DPYSL2: variants seen among roughly 807,000 people sequenced by gnomAD.
The protein encoded by DPYSL2 is dihydropyrimidinase like 2.
Under a neutral mutation model 69.9 loss-of-function variants are expected in DPYSL2, and 13 were observed. The ratio of observed to expected loss-of-function variants is 0.19; its 90% CI spans 0.12 to 0.30. The LOEUF (loss-of-function observed/expected upper bound fraction) is 0.30, where lower values mean the gene tolerates loss of function less well. DPYSL2 is among the 10% of genes least tolerant of loss of function. The pLI, the probability that DPYSL2 is intolerant of heterozygous loss-of-function variation, is 1.00. For synonymous variants in DPYSL2, 326 were observed against 359.1 expected, an observed-to-expected ratio of 0.91 and a Z score of 1.04; for missense variants, 587 against 918.9, an observed-to-expected ratio of 0.64 and a Z score of 4.67.
rs1800538169 is a variant in DPYSL2, at chr8:26,533,102, C to T, written c.354+18423C>T. On this transcript the variant is annotated intron_variant, in intron 1 of 13. Coordinates refer to ENST00000521913, the MANE Select transcript of DPYSL2 (RefSeq NM_001197293.3). The surrounding 1 kb of genome is among the most constrained non-coding windows in gnomAD (Gnocchi z 4.8). ...GGGTATGAGTCAGTATCTCTTGTGG[C>T]TTTGGTTTGTATTTCCCTGATGACT... is the stretch of plus-strand genomic sequence containing the variant. 6.6e-6 allele frequency among the ~76,000 whole-genome samples: 1 copy of T among 152,148 alleles called. No homozygotes were observed. The highest frequency in any genetic ancestry group is 2.4e-5 in the African/African-American group (1 of 41,436).
At chr8:26,612,584 G>A (rs774086852) in intron 3 of DPYSL2, among the ~76,000 whole-genome samples, 1 of 152,186 alleles carries the variant, frequency 6.6e-6, no homozygotes, top group Non-Finnish European at 1.5e-5. Flanking sequence ...AGGTGTGGTG[G>A]CTCACGCCTG....
chr8:26,583,429 C>T (rs972997572), intron 2 of DPYSL2, among the ~76,000 whole-genome samples: 4 of 151,280 alleles, frequency 2.6e-5, no homozygotes, highest in Admixed American at 1.3e-4. Context: ...TTGGAAAGTA[C>T]GGCCAGGTCT....
intron 7 of DPYSL2, among the ~76,000 whole-genome samples, chr8:26,633,263 C>T (rs1247854859): frequency 6.6e-6 from 1 of 152,228 alleles, no homozygotes; most frequent in Non-Finnish European, 1.5e-5. Context: ...TCCCTCCCCT[C>T]CAAGAGTTCA....
At position 26,591,622 on chromosome 8, in the gene DPYSL2, C is replaced by A. The variant is rs1204655954; in HGVS notation, c.628+7639C>A. On this transcript the variant is annotated intron_variant, in intron 3 of 13. Coordinates refer to ENST00000521913, the MANE Select transcript of DPYSL2 (RefSeq NM_001197293.3). The surrounding 1 kb of genome is among the most constrained non-coding windows in gnomAD (Gnocchi z 5.8). Reference sequence around the variant, plus strand: ...TTTAGCATTGTTGTCCCGGGGCAACCCTTTCTCATGTGAAACCTTGCGTGG... The same window carrying A: ...TTTAGCATTGTTGTCCCGGGGCAACACTTTCTCATGTGAAACCTTGCGTGG... 6.6e-6 allele frequency among the ~76,000 whole-genome samples: 1 copy of A among 152,150 alleles called. No homozygotes were observed. Among genetic ancestry groups the A allele is most frequent in the African/African-American group, 2.4e-5 (1 of 41,438 alleles).
rs1156370215 is a variant in DPYSL2 at position 26,605,617 on chromosome 8, C to A, written c.629-18526C>A. ...GGAATTAAATGAAGAAATATTTGAT[C>A]TAAGAAGAAAGTTTATGAAGATGAC... On this transcript the variant is annotated intron_variant, in intron 3 of 13. Coordinates refer to ENST00000521913, the MANE Select transcript of DPYSL2 (RefSeq NM_001197293.3). The surrounding 1 kb of genome is among the most constrained non-coding windows in gnomAD (Gnocchi z 4.1). 6.6e-6 allele frequency among the ~76,000 whole-genome samples: 1 copy of A among 151,988 alleles called. No homozygotes were observed. The highest frequency in any genetic ancestry group is 1.5e-5 in the Non-Finnish European group (1 of 68,004).
At chr8:26,623,815 G>C (rs570467493) in intron 3 of DPYSL2, 1 of 231,114 alleles carries the variant, frequency 4.3e-6, no homozygotes, top group Admixed American at 5.3e-5. Context: ...GCTGCTCCCC[G>C]GCCATTTGAC....
intron 1 of DPYSL2, among the ~76,000 whole-genome samples, chr8:26,553,306 C>A (rs1376849554): frequency 6.6e-6 from 1 of 152,032 alleles, no homozygotes; most frequent in Non-Finnish European, 1.5e-5. Context: ...GTTTGTTGTA[C>A]AGATTATTTC....
intron 1 of DPYSL2, among the ~76,000 whole-genome samples, chr8:26,545,241 G>A (rs1800747094): frequency 6.6e-6 from 1 of 152,128 alleles, no homozygotes; most frequent in Non-Finnish European, 1.5e-5. Flanking sequence ...AACATTCTCT[G>A]GGATAGATCA....
In DPYSL2 at chr8:26,627,254, A is replaced by G. The variant is rs1802640441; in HGVS notation, c.895A>G (p.Ile299Val). 6.2e-7 allele frequency: 1 copy of G among 1,614,232 alleles called. No individual in the cohort carries two copies. The highest frequency in any genetic ancestry group is 8.5e-7 in the Non-Finnish European group (1 of 1,180,040). The change falls in exon 6 of 14, where the codon ATA becomes GTA. Residue 299 changes from isoleucine (I) to valine (V), a missense_variant. Coordinates refer to ENST00000521913, the MANE Select transcript of DPYSL2 (RefSeq NM_001197293.3). This position sits in a 1 kb window ranked among gnomAD's most constrained non-coding sequence, Gnocchi z 6.9. ...GAGTGTGATCCGGGATATTGGCGCC[A>G]TAGCCCAAGTCCACGCAGAAAATGG... is the stretch of plus-strand genomic sequence containing the variant. ...VLSVIRDIGA[I>V]AQVHAENGDI...
intron 7 of DPYSL2, among the ~76,000 whole-genome samples, chr8:26,631,483 G>C (rs780740010): frequency 2.0e-5 from 3 of 152,208 alleles, no homozygotes; most frequent in African/African-American, 7.2e-5. Context: ...CCTTCAACAT[G>C]TGTGGATTAC....
chr8:26,588,107 G>C lies in DPYSL2; in HGVS notation c.628+4124G>C, dbSNP rs1018735322. 1.2e-4 allele frequency among the ~76,000 whole-genome samples: 18 copies of C among 152,156 alleles called. No individual in the cohort carries two copies. Among genetic ancestry groups the C allele is most frequent in the African/African-American group, 3.9e-4 (16 of 41,438 alleles). ...ATCACAACAGCATCTGCCCAGTAGT[G>C]AGCACTCCCATGTGGTAGCTATTGT... On this transcript the variant is annotated intron_variant, in intron 3 of 13. Coordinates refer to ENST00000521913, the MANE Select transcript of DPYSL2 (RefSeq NM_001197293.3). The surrounding 1 kb of genome is among the most constrained non-coding windows in gnomAD (Gnocchi z 5.4).
Position 26,516,410 on chromosome 8 carries a change from T to G in DPYSL2, c.354+1731T>G, listed in dbSNP as rs2117593853. 6.6e-6 allele frequency among the ~76,000 whole-genome samples: 1 copy of G among 152,262 alleles called. No individual in the cohort carries two copies. The highest frequency in any genetic ancestry group is 2.4e-5 in the African/African-American group (1 of 41,546). On this transcript the variant is annotated intron_variant, in intron 1 of 13. Transcript: ENST00000521913. The surrounding 1 kb of genome is among the most constrained non-coding windows in gnomAD (Gnocchi z 4.8). The stretch of plus-strand genomic sequence containing the variant: ...GCATGGCGAGTTGTGCTGGTGATTG[T>G]GATGTCCTAGAGAAAGCAGAAAAAC...
intron 1 of DPYSL2, among the ~76,000 whole-genome samples, chr8:26,567,355 C>CCCAT (rs369652545): frequency 1.3e-5 from 2 of 149,844 alleles, no homozygotes; most frequent in African/African-American, 4.9e-5. Flanking sequence ...CATACATCTG[C>CCCAT]CCATCCATCC....
rs542447699 is a variant in DPYSL2 at position 26,597,387 on chromosome 8, G to C, written c.628+13404G>C. Among the ~76,000 whole-genome samples, 43 of 152,210 alleles carry C rather than the reference G, an allele frequency of 2.8e-4. No homozygotes were observed. The highest frequency in any genetic ancestry group is 5.6e-4 in the Non-Finnish European group (38 of 68,040). On this transcript the variant is annotated intron_variant, in intron 3 of 13. Transcript: ENST00000521913. This position sits in a 1 kb window ranked among gnomAD's most constrained non-coding sequence, Gnocchi z 5.2. ...CTCATCTTTTGCATTTCTCTGAATC[G>C]CTTTGGCGTGGGCTTTTATGAGGTT...
At chr8:26,567,732 A>G (rs553900347) in intron 1 of DPYSL2, among the ~76,000 whole-genome samples, 1 of 152,336 alleles carries the variant, frequency 6.6e-6, no homozygotes, top group African/African-American at 2.4e-5. Context: ...GCATGTGAGC[A>G]CAAGTGTGGA....
chr8:26,620,530 G>A lies in DPYSL2; in HGVS notation c.629-3613G>A, dbSNP rs1194345233. Reference sequence around the variant, plus strand: ...ACCAGATATTAAAATGTATCAAAAAGCTGCTCTATTTAGTACTGATTGAGA... The same window carrying A: ...ACCAGATATTAAAATGTATCAAAAAACTGCTCTATTTAGTACTGATTGAGA... On this transcript the variant is annotated intron_variant, in intron 3 of 13. Coordinates refer to ENST00000521913, the MANE Select transcript of DPYSL2 (RefSeq NM_001197293.3). The surrounding 1 kb of genome is among the most constrained non-coding windows in gnomAD (Gnocchi z 4.5). Among the ~76,000 whole-genome samples, 1 of 152,132 alleles carries A rather than the reference G, an allele frequency of 6.6e-6. No homozygotes were observed. The highest frequency in any genetic ancestry group is 1.5e-5 in the Non-Finnish European group (1 of 68,026).
In DPYSL2 at chr8:26,609,517, G is replaced by A. The variant is rs1191516175; in HGVS notation, c.629-14626G>A. On this transcript the variant is annotated intron_variant, in intron 3 of 13. Transcript: ENST00000521913. The surrounding 1 kb of genome is among the most constrained non-coding windows in gnomAD (Gnocchi z 6.5). ...GGCGTGACTGTTATTTTTTTGTGAT[G>A]TTCTGTACAGCCCTGTAATCTCTTA... is the stretch of plus-strand genomic sequence containing the variant. Among the ~76,000 whole-genome samples, 1 of 152,176 alleles carries A rather than the reference G, an allele frequency of 6.6e-6. No individual in the cohort carries two copies. Among genetic ancestry groups the A allele is most frequent in the Non-Finnish European group, 1.5e-5 (1 of 68,034 alleles).
intron 3 of DPYSL2, among the ~76,000 whole-genome samples, chr8:26,616,026 A>G (rs1051269159): frequency 7.2e-5 from 11 of 152,168 alleles, no homozygotes; most frequent in Non-Finnish European, 1.5e-4. Flanking sequence ...AGCATTTCCC[A>G]TATTCCCTCG....
At chr8:26,566,285 G>A (rs1275895254) in intron 1 of DPYSL2, among the ~76,000 whole-genome samples, 1 of 152,170 alleles carries the variant, frequency 6.6e-6, no homozygotes, top group African/African-American at 2.4e-5. Context: ...TCTGGTTGAT[G>A]ACTCTTGGAA....
Sources: allele counts gnomAD v4.1 joint callset (sites outside exome capture counted in the v4.1 genomes callset), GRCh38; gene constraint gnomAD v4.1.1; non-coding constraint Gnocchi (gnomAD v3.1); transcripts MANE v1.5; gene names NCBI Gene and HGNC (gene_info 2026-07-23, HGNC 2026-07-21).